Variants in CCNJL observed in about 807,000 individuals in gnomAD.
CCNJL encodes cyclin J like.
Under a neutral mutation model 33.4 loss-of-function variants are expected in CCNJL, and 33 were observed. That is an observed-to-expected ratio of 0.99 (90% CI 0.75 to 1.32). The LOEUF (loss-of-function observed/expected upper bound fraction) is 1.32. Among genes scored for constraint, CCNJL ranks in the 40% most tolerant of loss-of-function variants. The probability of loss-of-function intolerance (pLI) is 0.00; values close to 1 mark genes in which losing one functional copy is unlikely to be tolerated. For synonymous variants in CCNJL, 227 were observed against 220.9 expected (o/e 1.03, Z -0.24); for missense variants, 512 against 499.7 (o/e 1.02, Z -0.23).
At chr5:160,278,852 C>T (rs1430147872) in intron 3 of CCNJL, among the ~76,000 whole-genome samples, 1 of 152,234 alleles carries the variant, frequency 6.6e-6, no homozygotes, top group Admixed American at 6.5e-5. Context: ...CCAGTGTGCC[C>T]TCCACAGCCG....
In CCNJL at chr5:160,321,853, C is replaced by T. The variant is rs537053959; in HGVS notation, n.207-6348G>A. Among the ~76,000 whole-genome samples the T allele has an allele frequency of 3.7e-4, 57 of 152,156 alleles. No homozygotes were observed. In the East Asian group the frequency reaches 6.2e-3, roughly 16 times the overall value. On this transcript the variant is annotated intron_variant and non_coding_transcript_variant, in intron 1 of 7. Transcript: ENST00000377503. ...CAGCCTGGGCGACAGAGTGAGACTC[C>T]GTCTCAAAAAATATATATATTATTA...
chr5:160,265,754 G>T (rs572168097), intron 3 of CCNJL, among the ~76,000 whole-genome samples: 57 of 151,878 alleles, frequency 3.8e-4, no homozygotes, highest in Non-Finnish European at 6.2e-4. Flanking sequence ...TACTCAGGAG[G>T]CTGAGGCAGA....
intron 4 of CCNJL, among the ~76,000 whole-genome samples, chr5:160,257,113 G>A (rs139227611): frequency 7.9e-5 from 12 of 152,136 alleles, no homozygotes; most frequent in Admixed American, 7.9e-4. Flanking sequence ...GGGCATGGTA[G>A]CTCTCACTTG....
chr5:160,267,529 C>T (rs75732770), intron 3 of CCNJL, among the ~76,000 whole-genome samples: 9,454 of 151,988 alleles, frequency 0.062, 390 homozygotes, highest in South Asian at 0.22. Flanking sequence ...TAAATGATTC[C>T]AAAGTCCCGA....
At position 160,304,442 on chromosome 5, in the gene CCNJL, C is replaced by A. The variant is rs530058156; in HGVS notation, c.66+7416G>T. Among the ~76,000 whole-genome samples the A allele has an allele frequency of 5.3e-5, 8 of 152,268 alleles. No homozygotes were observed. In the South Asian group the frequency reaches 1.7e-3, roughly 32 times the overall value. On this transcript the variant is annotated intron_variant, in intron 2 of 5. Transcript: ENST00000257536. Reference sequence around the variant, plus strand: ...CTGCAGGTTAGACTGCAGGAAATTTCTCCTTATTTTATGAACCCCCACACC... The same window carrying A: ...CTGCAGGTTAGACTGCAGGAAATTTATCCTTATTTTATGAACCCCCACACC...
chr5:160,322,846 G>C (rs936475777), intron 1 of CCNJL, among the ~76,000 whole-genome samples: 17 of 151,852 alleles, frequency 1.1e-4, no homozygotes, highest in Non-Finnish European at 1.5e-5. Context: ...CAGGCAGAGG[G>C]AGGACGCAGT....
Position 160,255,706 on chromosome 5 carries a change from G to A in CCNJL, c.586C>T (p.His196Tyr), listed in dbSNP as rs987514099. Residue 196 changes from histidine to tyrosine, a missense_variant and splice_region_variant, in exon 5 of 6, where the codon CAC becomes TAC. Physicochemically the swap from His to Tyr is moderately conservative, Grantham distance 83 (BLOSUM62 2). Transcript: ENST00000257536. ...HYFLEVTLQD[H>Y]IFYKFQPSVV... is the part of the protein sequence containing the mutation. ...GAAGGCTGGAATTTGTAGAATATGTGATCTGAAAGAAAGCCACGGAGGGAG... is the reference window on the plus strand; with the variant it reads ...GAAGGCTGGAATTTGTAGAATATGTAATCTGAAAGAAAGCCACGGAGGGAG... 9.9e-6 allele frequency: 16 copies of A among 1,613,590 alleles called. No homozygotes were observed. Among genetic ancestry groups the A allele is most frequent in the Non-Finnish European group, 1.3e-5 (15 of 1,180,006 alleles).
chr5:160,296,663 G>A (rs752544970), intron 2 of CCNJL, among the ~76,000 whole-genome samples: 11 of 152,134 alleles, frequency 7.2e-5, no homozygotes, highest in Non-Finnish European at 1.0e-4. Context: ...CATCCTCTAA[G>A]CCAGTGTTCC....
Position 160,250,131 on chromosome 5 carries a change from G to C in CCNJL, c.*3247C>G, listed in dbSNP as rs535632914. On this transcript the variant is annotated 3_prime_UTR_variant, in exon 6 of 6. Coordinates refer to ENST00000257536, the MANE Select transcript of CCNJL (RefSeq NM_001308173.3). Reference sequence around the variant, plus strand: ...CCCAAGGGTGGAAGAAATACAAGTGGATCCCTCTGGCTGAAGGCCACAGAG... The same window carrying C: ...CCCAAGGGTGGAAGAAATACAAGTGCATCCCTCTGGCTGAAGGCCACAGAG... The C allele has an allele frequency of 6.6e-5, 10 of 152,216 alleles. No homozygotes were observed. Among genetic ancestry groups the C allele is most frequent in the Admixed American group, 5.2e-4 (8 of 15,288 alleles). The allele number at this position is 152,216 out of a possible 1,614,324, so 9.4% of individuals were successfully genotyped here.
At chr5:160,266,132 CT>C (rs1423633950) in intron 3 of CCNJL, among the ~76,000 whole-genome samples, 4 of 152,246 alleles carry the variant, frequency 2.6e-5, no homozygotes, top group African/African-American at 7.2e-5. Context: ...CAGGCCTTGC[CT>C]TTTCCCAGGT....
chr5:160,320,843 T>TTC (rs1260116958), intron 1 of CCNJL, among the ~76,000 whole-genome samples: 15 of 80,666 alleles, frequency 1.9e-4, no homozygotes, highest in African/African-American at 5.4e-4. Flanking sequence ...CTTTCTTTCT[T>TTC]TCTTTCCTTC....
At chr5:160,282,988 T>TATATATACAC in intron 2 of CCNJL, among the ~76,000 whole-genome samples, 1 of 60,240 alleles carries the variant, frequency 1.7e-5, no homozygotes, top group East Asian at 7.8e-4. Flanking sequence ...TATATATATA[T>TATATATACAC]ATATATATAT....
chr5:160,277,714 G>GA (rs765456629), intron 3 of CCNJL, among the ~76,000 whole-genome samples: 3 of 150,470 alleles, frequency 2.0e-5, no homozygotes, highest in African/African-American at 7.3e-5. Flanking sequence ...AGGTAGGTGA[G>GA]AAAATCCCAT....
chr5:160,325,735 C>T (rs1763526464), intron 1 of CCNJL, among the ~76,000 whole-genome samples: 1 of 152,050 alleles, frequency 6.6e-6, no homozygotes, highest in South Asian at 2.1e-4. Context: ...TTTTTTTTAA[C>T]ATAAAAATCC....
At position 160,253,164 on chromosome 5, in the gene CCNJL, G is replaced by C. The variant is rs369314966; in HGVS notation, c.*214C>G. 1 of 462,044 alleles carries C rather than the reference G, an allele frequency of 2.2e-6. No individual in the cohort carries two copies. The highest frequency in any genetic ancestry group is 2.0e-5 in the African/African-American group (1 of 50,542). The allele number at this position is 462,044 out of a possible 1,614,324, so 28.6% of individuals were successfully genotyped here. On this transcript the variant is annotated 3_prime_UTR_variant, in exon 6 of 6. Transcript: ENST00000257536. ...CCATCCTTTTGTACCCTAGCCACAC[G>C]TGGCAGACGTTTCTCAGAGGAATGC...
chr5:160,271,747 A>G (rs1237398768), intron 3 of CCNJL, among the ~76,000 whole-genome samples: 3 of 152,256 alleles, frequency 2.0e-5, no homozygotes, highest in Admixed American at 2.0e-4. Flanking sequence ...TTTGGAAGAA[A>G]GATAAGCAAT....
intron 3 of CCNJL, among the ~76,000 whole-genome samples, chr5:160,273,590 A>G (rs1018888513): frequency 4.0e-5 from 6 of 150,396 alleles, no homozygotes; most frequent in Non-Finnish European, 8.8e-5. Flanking sequence ...GTCAATCCAT[A>G]TGGGACACAC....
chr5:160,262,585 G>A (rs944545051), intron 3 of CCNJL, among the ~76,000 whole-genome samples: 1 of 152,160 alleles, frequency 6.6e-6, no homozygotes, highest in Admixed American at 6.5e-5. Context: ...ACAAGCCCCC[G>A]GCACACAGAA....
rs35657484 is a variant in CCNJL at position 160,303,523 on chromosome 5, C to CAA, written c.66+8333_66+8334dup. ...ACTCGGCCGGTATTTTCCATTTTTA[C>CAA]AAAAAAAAAAAAAAATCCAAAATAA... On this transcript the variant is annotated intron_variant, in intron 2 of 5. Transcript: ENST00000257536. 3.2e-4 allele frequency among the ~76,000 whole-genome samples: 41 copies of CAA among 128,184 alleles called. No homozygotes were observed. The East Asian group carries it at 3.7e-3, about 11-fold the overall frequency. 84.1% of individuals were successfully genotyped at this position (128,184 alleles called of 152,430 possible).
Sources: gnomAD v4.1 joint callset for allele counts (sites outside exome capture counted in the v4.1 genomes callset) on GRCh38, gnomAD v4.1.1 for gene constraint, MANE v1.5 for transcripts, NCBI Gene and HGNC (gene_info 2026-07-23, HGNC 2026-07-21) for gene names.